The following MTO1 variants were observed in gnomAD, a reference collection of about 807,000 sequenced individuals.
MTO1 encodes the protein mitochondrial tRNA translation optimization 1, also known as 5-taurinomethyluridine-[tRNA] synthase subunit MTO1, mitochondrial.
MTO1 carries 46 observed loss-of-function variants against 71.6 expected under a neutral mutation model. The observed-to-expected ratio is 0.64, with a 90% CI of 0.51 to 0.82. MTO1 has a LOEUF of 0.82. Among genes scored for constraint, MTO1 ranks in the 40% least tolerant of loss-of-function variants. The probability of loss-of-function intolerance (pLI) is 0.00; values close to 1 mark genes in which losing one functional copy is unlikely to be tolerated. For missense variants in MTO1, 773 were observed against 867.5 expected (o/e 0.89, Z 1.37); for synonymous variants, 297 against 312.1 (o/e 0.95, Z 0.51).
chr6:73,474,033 C>G (rs1008440699), intron 4 of MTO1, among the ~76,000 whole-genome samples: 13 of 150,760 alleles, frequency 8.6e-5, no homozygotes, highest in African/African-American at 2.7e-4. Flanking sequence ...GGATCCACCC[C>G]CCTTGGCCTC....
intron 3 of MTO1, chr6:73,471,588 A>ATT: frequency 3.3e-6 from 1 of 306,790 alleles, no homozygotes; most frequent in Non-Finnish European, 6.3e-6. Context: ...CTAATTTATT[A>ATT]TTTTTTTTTG....
At chr6:73,467,751 A>G (rs1010675826) in intron 3 of MTO1, among the ~76,000 whole-genome samples, 2 of 152,142 alleles carry the variant, frequency 1.3e-5, no homozygotes, top group African/African-American at 4.8e-5. Context: ...CATATTTCTG[A>G]ATAGCAGGCT....
At chr6:73,487,875 GGCA>G in intron 9 of MTO1, 1 of 151,798 alleles carries the variant, frequency 6.6e-6, no homozygotes, top group South Asian at 2.1e-4. Context: ...CACCACACCT[GGCA>G]GTAGTTCTAA....
At chr6:73,478,582 G>A (rs996479784) in intron 4 of MTO1, among the ~76,000 whole-genome samples, 1 of 152,160 alleles carries the variant, frequency 6.6e-6, no homozygotes, top group African/African-American at 2.4e-5. Flanking sequence ...GCCCAGGCTA[G>A]AGTGCAATGG....
rs773035651 is a variant in MTO1, at chr6:73,466,530, A to T, written c.459A>T (p.Gly153=). 8 of 1,614,198 alleles carry T rather than the reference A, an allele frequency of 5.0e-6. No individual in the cohort carries two copies. The South Asian group carries it at 8.8e-5, about 18-fold the overall frequency. The change falls in exon 3 of 12, where the codon GGA becomes GGT. Residue 153 remains glycine (G), a synonymous_variant. Coordinates refer to ENST00000498286, the MANE Select transcript of MTO1 (RefSeq NM_012123.4). ...CACCACTGCTTACTGTTCAGGAGGGAGCTGTAGAAGATCTTATTCTTACAG... is the reference window on the plus strand; with the variant it reads ...CACCACTGCTTACTGTTCAGGAGGGTGCTGTAGAAGATCTTATTCTTACAG... ...LNTPLLTVQE[G]AVEDLILTEP... is the part of the protein sequence containing the mutation.
chr6:73,472,705 A>G lies in MTO1; in HGVS notation c.536-660A>G, dbSNP rs1008825810. On this transcript the variant is annotated intron_variant, in intron 3 of 11. Transcript: ENST00000498286. ...TTGAAATTTGCTAAGGGAGTAGATCATAAGTGTTCTCACCACACAAAACGT... is the reference window on the plus strand; with the variant it reads ...TTGAAATTTGCTAAGGGAGTAGATCGTAAGTGTTCTCACCACACAAAACGT... Among the ~76,000 whole-genome samples, 10 of 102,678 alleles carry G rather than the reference A, an allele frequency of 9.7e-5. No homozygotes were observed. In the South Asian group the frequency reaches 2.3e-3, roughly 24 times the overall value. The allele number at this position is 102,678 out of a possible 152,430, so 67.4% of individuals were successfully genotyped here.
chr6:73,464,579 A>C (rs1770920551), intron 1 of MTO1, among the ~76,000 whole-genome samples: 1 of 151,862 alleles, frequency 6.6e-6, no homozygotes, highest in African/African-American at 2.4e-5. Context: ...CGGAAGTTCG[A>C]GACCAGCCTG....
chr6:73,495,807 C>G (rs1771963448), intron 10 of MTO1, among the ~76,000 whole-genome samples: 2 of 152,110 alleles, frequency 1.3e-5, no homozygotes, highest in Admixed American at 6.6e-5. Flanking sequence ...TGAGTCATAA[C>G]ATTATATTAC....
Position 73,497,857 on chromosome 6 carries a change from T to C in MTO1, c.1878T>C (p.His626=), listed in dbSNP as rs767194838. 2 of 1,613,190 alleles carry C rather than the reference T, an allele frequency of 1.2e-6. No homozygotes were observed. The highest frequency in any genetic ancestry group is 1.7e-6 in the Non-Finnish European group (2 of 1,179,384). ...CTATCAGGGATGTGTCTTTGTCCCA[T>C]GAAGTTCGAGAGAAACTACATTTTA... The part of the protein sequence containing the change: ...YLTIRDVSLS[H]EVREKLHFSR... Residue 626 remains histidine (H), a synonymous_variant, in exon 11 of 12, where the codon CAT becomes CAC. Coordinates refer to ENST00000498286, the MANE Select transcript of MTO1 (RefSeq NM_012123.4).
intron 8 of MTO1, 84 bp downstream of exon 8, chr6:73,482,328 A>G: frequency 6.4e-7 from 1 of 1,563,364 alleles, no homozygotes; most frequent in East Asian, 2.2e-5. Flanking sequence ...CCAAGGCAAG[A>G]GGATCACTTG....
At chr6:73,473,916 T>G (rs1211296612) in intron 4 of MTO1, among the ~76,000 whole-genome samples, 1 of 151,324 alleles carries the variant, frequency 6.6e-6, no homozygotes, top group African/African-American at 2.4e-5. Flanking sequence ...CCCCCTTGAG[T>G]AGCTGAGACC....
At chr6:73,490,069 T>C (rs1395166550) in intron 9 of MTO1, among the ~76,000 whole-genome samples, 2 of 152,244 alleles carry the variant, frequency 1.3e-5, no homozygotes, top group Non-Finnish European at 2.9e-5. Context: ...GTGTGCCTGT[T>C]GGCTGCGTAA....
At chr6:73,474,821 T>C (rs1367518078) in intron 4 of MTO1, among the ~76,000 whole-genome samples, 1 of 151,554 alleles carries the variant, frequency 6.6e-6, no homozygotes, top group Non-Finnish European at 1.5e-5. Flanking sequence ...AATGGCGCAA[T>C]CTCGGCTTAC....
At chr6:73,485,897 G>C (rs1419801827) in intron 9 of MTO1, among the ~76,000 whole-genome samples, 2 of 152,164 alleles carry the variant, frequency 1.3e-5, no homozygotes, top group African/African-American at 2.4e-5. Context: ...TTTAACAGAA[G>C]AGATACACAA....
At chr6:73,474,031 C>G (rs1771236384) in intron 4 of MTO1, among the ~76,000 whole-genome samples, 1 of 150,522 alleles carries the variant, frequency 6.6e-6, no homozygotes, top group Non-Finnish European at 1.5e-5. Context: ...AAGGATCCAC[C>G]CCCCTTGGCC....
At chr6:73,493,689 CAT>C (rs199527067) in intron 10 of MTO1, among the ~76,000 whole-genome samples, 3 of 150,742 alleles carry the variant, frequency 2.0e-5, no homozygotes, top group Non-Finnish European at 1.5e-5. Context: ...CTGCACCCAG[CAT>C]ATATATATAT....
At chr6:73,480,265 TTTTGTTTGTTTG>T in intron 6 of MTO1, 139 bp downstream of exon 6, 1 of 924,478 alleles carries the variant, frequency 1.1e-6, no homozygotes, top group Non-Finnish European at 1.7e-6. Context: ...ATAGTCTGTT[TTTTGTTTGTTTG>T]TTTGTTTGTT....
chr6:73,483,784 ATTT>A (rs35787647), intron 9 of MTO1, among the ~76,000 whole-genome samples: 3 of 104,074 alleles, frequency 2.9e-5, no homozygotes, highest in Non-Finnish European at 1.9e-5. Flanking sequence ...ACACCTGGCT[ATTT>A]TTTTTTTTTT....
chr6:73,473,666 T>G lies in MTO1; in HGVS notation c.825+12T>G. The G allele has an allele frequency of 6.3e-7, 1 of 1,585,938 alleles. No homozygotes were observed. The highest frequency in any genetic ancestry group is 8.6e-7 in the Non-Finnish European group (1 of 1,162,262). On this transcript the variant is annotated intron_variant, in intron 4 of 11. Transcript: ENST00000498286. Reference sequence around the variant, plus strand: ...CAGTATGGATTAAGGTAAGATACTTTACGAAAACCTGGCTTACAGCTGGTA... The same window carrying G: ...CAGTATGGATTAAGGTAAGATACTTGACGAAAACCTGGCTTACAGCTGGTA...
Sources: gnomAD v4.1 joint callset for allele counts (sites outside exome capture counted in the v4.1 genomes callset) on GRCh38, gnomAD v4.1.1 for gene constraint, MANE v1.5 for transcripts, NCBI Gene and HGNC (gene_info 2026-07-23, HGNC 2026-07-21) for gene names.